Variants in URB1 observed in about 807,000 individuals in gnomAD.
URB1 encodes URB1 ribosome biogenesis factor.
In URB1, 197 loss-of-function variants were observed where a neutral mutation model predicts 242.3. The observed-to-expected ratio is 0.81, with a 90% confidence interval of 0.72 to 0.91. The LOEUF (loss-of-function observed/expected upper bound fraction) is 0.91, where lower values mean the gene tolerates loss of function less well. Ranked by LOEUF, URB1 falls within the 40% of genes least tolerant of loss-of-function variation. URB1 has a pLI of 0.00. For synonymous variants in URB1, 1,153 were observed against 1,201.8 expected (o/e 0.96, Z 0.84); for missense variants, 2,721 against 2,860.5 (o/e 0.95, Z 1.11).
At chr21:32,362,799 G>A (rs1294142267) in intron 11 of URB1, among the ~76,000 whole-genome samples, 1 of 152,104 alleles carries the variant, frequency 6.6e-6, no homozygotes, top group African/African-American at 2.4e-5. Context: ...GTGTGTGCCT[G>A]CAGCCATGGG....
intron 18 of URB1, among the ~76,000 whole-genome samples, chr21:32,353,458 C>T (rs2033181938): frequency 6.6e-6 from 1 of 152,190 alleles, no homozygotes; most frequent in Admixed American, 6.5e-5. Context: ...ACAGCATGGT[C>T]TAGAAACAGA....
At chr21:32,323,896 G>A (rs144833482) in intron 32 of URB1, among the ~76,000 whole-genome samples, 2,683 of 152,202 alleles carry the variant, frequency 0.018, 84 homozygotes, top group African/African-American at 0.061. Flanking sequence ...CTGGGAGGTC[G>A]AGGTTGCAGT....
At chr21:32,358,384 G>A (rs1456524863) in intron 14 of URB1, among the ~76,000 whole-genome samples, 1 of 152,212 alleles carries the variant, frequency 6.6e-6, no homozygotes, top group Non-Finnish European at 1.5e-5. Flanking sequence ...TCCATCAAAT[G>A]ATGTCCTTGT....
In URB1 at chr21:32,365,400, A is replaced by G. The variant is rs552331649; in HGVS notation, c.1335+1218T>C. On this transcript the variant is annotated intron_variant, in intron 10 of 38. Transcript: ENST00000382751. ...CAAGAGTTTGACGCTGCAATGAGCT[A>G]TGATCACACCACTGTACTCCAGCCT... Among the ~76,000 whole-genome samples, 11 of 152,234 alleles carry G rather than the reference A, an allele frequency of 7.2e-5. 1 individual carries two copies. In the South Asian group the frequency reaches 1.7e-3, roughly 23 times the overall value.
In URB1 at chr21:32,311,525, C is replaced by A. The variant is rs958067791; in HGVS notation, c.*3393G>T. On this transcript the variant is annotated 3_prime_UTR_variant, in exon 39 of 39. Transcript: ENST00000382751. ...CTCTGAGATTTCTCTAGAATGGCCA[C>A]CTTTGTGAGCTGGCTGACCCTTCTC... The A allele has an allele frequency of 5.6e-5, 59 of 1,054,224 alleles. No individual in the cohort carries two copies. Among genetic ancestry groups the A allele is most frequent in the Non-Finnish European group, 6.4e-5 (47 of 739,208 alleles). The allele number at this position is 1,054,224 out of a possible 1,614,324, so 65.3% of individuals were successfully genotyped here.
intron 4 of URB1, among the ~76,000 whole-genome samples, chr21:32,383,183 C>T (rs2033545469): frequency 6.6e-6 from 1 of 152,240 alleles, no homozygotes; most frequent in South Asian, 2.1e-4. Flanking sequence ...ACTCAGCCCC[C>T]AGGAGCCTCC....
intron 10 of URB1, among the ~76,000 whole-genome samples, chr21:32,365,401 T>G (rs868474919): frequency 2.0e-5 from 3 of 151,856 alleles, no homozygotes; most frequent in Non-Finnish European, 4.4e-5. Context: ...CAATGAGCTA[T>G]GATCACACCA....
chr21:32,376,307 CATT>C (rs2033458381), intron 5 of URB1, among the ~76,000 whole-genome samples: 1 of 152,176 alleles, frequency 6.6e-6, no homozygotes, highest in Non-Finnish European at 1.5e-5. Flanking sequence ...ACACTGTTAT[CATT>C]ATTAATGCAG....
At chr21:32,377,506 C>A (rs1349187839) in intron 5 of URB1, among the ~76,000 whole-genome samples, 2 of 152,150 alleles carry the variant, frequency 1.3e-5, no homozygotes, top group South Asian at 2.1e-4. Flanking sequence ...AGCAAGATAT[C>A]CTGAACCTAG....
intron 30 of URB1, among the ~76,000 whole-genome samples, chr21:32,330,784 A>C (rs1412700125): frequency 6.6e-6 from 1 of 152,240 alleles, no homozygotes; most frequent in African/African-American, 2.4e-5. Flanking sequence ...CATCAGGGCA[A>C]TTAAGATATC....
intron 34 of URB1, 85 bp from the exon 35 acceptor site, chr21:32,320,725 T>C (rs1246065201): frequency 2.4e-5 from 24 of 982,494 alleles, no homozygotes; most frequent in Non-Finnish European, 3.1e-6. Context: ...ATTAATGGTA[T>C]GGTGCCATTA....
intron 4 of URB1, among the ~76,000 whole-genome samples, chr21:32,381,990 A>G (rs1228538461): frequency 8.5e-5 from 13 of 152,244 alleles, no homozygotes; most frequent in Admixed American, 8.5e-4. Flanking sequence ...AATGAAAGTA[A>G]AAACACTTTC....
chr21:32,372,695 G>A lies in URB1; in HGVS notation c.877-64C>T. 6 of 1,481,808 alleles carry A rather than the reference G, an allele frequency of 4.0e-6. No homozygotes were observed. In the Middle Eastern group the frequency reaches 5.3e-4, roughly 130 times the overall value. The allele number at this position is 1,481,808 out of a possible 1,614,324, so 91.8% of individuals were successfully genotyped here. A position where few individuals can be genotyped will look rare whatever the true frequency, so the allele number is the denominator to read the frequency against. On this transcript the variant is annotated intron_variant, in intron 7 of 38. Transcript: ENST00000382751. ...CTCATACACTTTAGTAAGAGCTAGA[G>A]TAAAAACAAGGACAATATTAACTGC...
At position 32,354,072 on chromosome 21, in the gene URB1, C is replaced by T. The variant is rs1159792280; in HGVS notation, c.2277G>A (p.Glu759=). The change falls in exon 18 of 39, where the codon GAG becomes GAA. Residue 759 remains glutamate (E), a synonymous_variant. Coordinates refer to ENST00000382751, the MANE Select transcript of URB1 (RefSeq NM_014825.3). ...DVLDMVDVLV[E]GSEGLDEEIG... ...TTTCCTCATCCAAGCCTTCACTGCC[C>T]TCCACCAGGACATCCACCATGTCGA... 1.4e-5 allele frequency: 22 copies of T among 1,551,598 alleles called. No individual in the cohort carries two copies. Among genetic ancestry groups the T allele is most frequent in the East Asian group, 2.4e-5 (1 of 40,930 alleles).
intron 28 of URB1, among the ~76,000 whole-genome samples, chr21:32,336,219 TC>T (rs1489875305): frequency 6.6e-6 from 1 of 152,012 alleles, no homozygotes; most frequent in Non-Finnish European, 1.5e-5. Flanking sequence ...CCTTTTTCTT[TC>T]TTTTTTTTGT....
At chr21:32,315,439 G>A (rs2032667778) in intron 38 of URB1, among the ~76,000 whole-genome samples, 1 of 151,820 alleles carries the variant, frequency 6.6e-6, no homozygotes, top group African/African-American at 2.4e-5. Context: ...TCAGCCTCCA[G>A]AGTAGCTGGG....
At chr21:32,378,599 T>A (rs2033486674) in intron 4 of URB1, 58 bp from the exon 5 acceptor site, 2 of 1,429,222 alleles carry the variant, frequency 1.4e-6, no homozygotes, top group Admixed American at 2.0e-5. Context: ...GCCAAAGGAA[T>A]CAGCAACACA....
intron 38 of URB1, 98 bp from the exon 39 acceptor site, chr21:32,315,197 A>G (rs2123535350): frequency 7.6e-7 from 1 of 1,308,748 alleles, no homozygotes; most frequent in East Asian, 2.7e-5. Context: ...CAAGTGCCCA[A>G]ATGAACCGTG....
chr21:32,316,093 G>GCGCA (rs1187133542), intron 38 of URB1, among the ~76,000 whole-genome samples: 3 of 152,234 alleles, frequency 2.0e-5, no homozygotes, highest in Admixed American at 6.5e-5. Context: ...ACACATGCAA[G>GCGCA]CATACGCACG....
Sources: gnomAD v4.1 joint callset for allele counts (sites outside exome capture counted in the v4.1 genomes callset) on GRCh38, gnomAD v4.1.1 for gene constraint, MANE v1.5 for transcripts, NCBI Gene and HGNC (gene_info 2026-07-23, HGNC 2026-07-21) for gene names.